ERCC8: variants seen among roughly 807,000 people sequenced by gnomAD.
The protein encoded by ERCC8 is DNA excision repair protein ERCC-8.
In ERCC8, 52 loss-of-function variants were observed where a neutral mutation model predicts 54.9. The ratio of observed to expected loss-of-function variants is 0.95; its 90% CI spans 0.76 to 1.19. The LOEUF (loss-of-function observed/expected upper bound fraction) is 1.19. ERCC8 is among the 50% of genes most tolerant of loss of function. The pLI, the probability that ERCC8 is intolerant of heterozygous loss-of-function variation, is 0.00. For synonymous variants in ERCC8, 146 were observed against 157.2 expected, an observed-to-expected ratio of 0.93 and a Z score of 0.53; for missense variants, 514 against 466.1, an observed-to-expected ratio of 1.10 and a Z score of -0.95.
rs1162844704 is a variant in ERCC8 at position 60,867,190 on chromosome 5, A to T, written c.*7425T>A. 6.6e-6 allele frequency among the ~76,000 whole-genome samples: 1 copy of T among 152,072 alleles called. No individual in the cohort carries two copies. The highest frequency in any genetic ancestry group is 1.9e-4 in the East Asian group (1 of 5,182). On this transcript the variant is annotated 3_prime_UTR_variant, in exon 12 of 12. Transcript: ENST00000676185. Reference sequence around the variant, plus strand: ...AAGGAAAAAAAATATCCAAATGTATATGTTTCCTTGGTAGTGACCTAAGAC... The same window carrying T: ...AAGGAAAAAAAATATCCAAATGTATTTGTTTCCTTGGTAGTGACCTAAGAC...
rs370924240 is a variant in ERCC8, at chr5:60,933,436, C to T, written c.78-4477G>A. 3.9e-4 allele frequency among the ~76,000 whole-genome samples: 59 copies of T among 152,072 alleles called. No individual in the cohort carries two copies. The East Asian group carries it at 9.9e-3, about 25-fold the overall frequency. ...GTTTCACCATGTTGGCCAGGCTGGT[C>T]TCAAACTCCTGACTGCAGGTGATTC... On this transcript the variant is annotated intron_variant, in intron 1 of 11. Coordinates refer to ENST00000676185, the MANE Select transcript of ERCC8 (RefSeq NM_000082.4).
chr5:60,913,628 C>G (rs560038641), intron 4 of ERCC8, among the ~76,000 whole-genome samples: 1 of 152,098 alleles, frequency 6.6e-6, no homozygotes, highest in Non-Finnish European at 1.5e-5. Flanking sequence ...TTCTTGGCTT[C>G]TGCTAACTTT....
intron 4 of ERCC8, among the ~76,000 whole-genome samples, chr5:60,908,564 C>CATATATAT (rs1554073813): frequency 3.5e-5 from 5 of 144,032 alleles, no homozygotes; most frequent in African/African-American, 1.3e-4. Flanking sequence ...CATATAAATA[C>CATATATAT]ATATATATAT....
chr5:60,889,595 G>A (rs1000690977), intron 10 of ERCC8, among the ~76,000 whole-genome samples: 3 of 152,122 alleles, frequency 2.0e-5, no homozygotes, highest in East Asian at 1.9e-4. Flanking sequence ...GCCACTGTGC[G>A]CAGCCATTGT....
chr5:60,881,722 G>C (rs1433475043), intron 11 of ERCC8, among the ~76,000 whole-genome samples: 1 of 152,190 alleles, frequency 6.6e-6, no homozygotes, highest in Non-Finnish European at 1.5e-5. Flanking sequence ...TGCAGTATTA[G>C]GGTGGGAGTG....
In ERCC8 at chr5:60,945,053, G is replaced by A; in HGVS notation, c.-45C>T. On this transcript the variant is annotated 5_prime_UTR_variant, in exon 1 of 12. Coordinates refer to ENST00000676185, the MANE Select transcript of ERCC8 (RefSeq NM_000082.4). ...TGGAGCACTGGACGTCGCCATGACA[G>A]AGCTCAGGGGCGGGACTGGAACAGC... 6.4e-7 allele frequency: 1 copy of A among 1,551,620 alleles called. No individual in the cohort carries two copies. Among genetic ancestry groups the A allele is most frequent in the Non-Finnish European group, 8.9e-7 (1 of 1,123,032 alleles).
intron 1 of ERCC8, among the ~76,000 whole-genome samples, chr5:60,935,194 T>C (rs1207615864): frequency 1.3e-5 from 2 of 152,206 alleles, no homozygotes; most frequent in East Asian, 3.8e-4. Flanking sequence ...TTCCATTTGT[T>C]TGTGTCATCC....
intron 2 of ERCC8, among the ~76,000 whole-genome samples, chr5:60,928,342 A>G (rs902827538): frequency 6.6e-6 from 1 of 152,190 alleles, no homozygotes; most frequent in African/African-American, 2.4e-5. Context: ...CATGTTGTGC[A>G]TATTATCTCA....
intron 9 of ERCC8, among the ~76,000 whole-genome samples, chr5:60,896,969 C>T (rs1748741418): frequency 6.6e-6 from 1 of 152,186 alleles, no homozygotes; most frequent in African/African-American, 2.4e-5. Context: ...AGAGAAAAGC[C>T]TGACCCCTTA....
At chr5:60,903,576 A>G in intron 6 of ERCC8, 72 bp downstream of exon 6, 2 of 1,599,474 alleles carry the variant, frequency 1.3e-6, no homozygotes, top group Non-Finnish European at 1.7e-6. Context: ...CAAAGAATAC[A>G]CTGTTAGTAA....
intron 4 of ERCC8, among the ~76,000 whole-genome samples, chr5:60,917,067 A>C (rs1313386772): frequency 1.3e-5 from 2 of 152,096 alleles, no homozygotes; most frequent in African/African-American, 4.8e-5. Flanking sequence ...ACTAAACTGC[A>C]TGATAGAACT....
chr5:60,885,155 G>C (rs112941214), intron 11 of ERCC8, among the ~76,000 whole-genome samples: 2,002 of 152,080 alleles, frequency 0.013, 20 homozygotes, highest in Non-Finnish European at 0.022. Context: ...GGAACTATAA[G>C]TGTAAAGCCA....
intron 11 of ERCC8, 130 bp from the exon 12 acceptor site, chr5:60,874,813 T>C (rs1342232618): frequency 1.3e-6 from 1 of 760,724 alleles, no homozygotes; most frequent in East Asian, 2.7e-5. Context: ...AATGTATAAC[T>C]GTTAATTTCA....
chr5:60,907,120 C>T (rs1435170769), intron 4 of ERCC8, among the ~76,000 whole-genome samples: 2 of 152,176 alleles, frequency 1.3e-5, no homozygotes, highest in Admixed American at 1.3e-4. Context: ...GTAATGACTG[C>T]CAGTCCCACT....
chr5:60,889,219 T>C (rs1748478596), intron 10 of ERCC8, among the ~76,000 whole-genome samples: 1 of 152,250 alleles, frequency 6.6e-6, no homozygotes, highest in African/African-American at 2.4e-5. Flanking sequence ...GTAAAATTAA[T>C]CTTTTTAGTT....
intron 9 of ERCC8, chr5:60,893,066 G>A: frequency 1.3e-6 from 1 of 777,966 alleles, no homozygotes; most frequent in Non-Finnish European, 2.4e-6. Context: ...CCTCCTTGGG[G>A]TCCAGGTCAA....
intron 11 of ERCC8, among the ~76,000 whole-genome samples, chr5:60,877,777 A>G (rs1234305427): frequency 1.3e-5 from 2 of 152,222 alleles, no homozygotes; most frequent in South Asian, 2.1e-4. Context: ...TTGGGCTGAG[A>G]CAATGGGGTT....
chr5:60,907,935 T>C (rs767317479), intron 4 of ERCC8, among the ~76,000 whole-genome samples: 7 of 152,222 alleles, frequency 4.6e-5, no homozygotes, highest in Non-Finnish European at 1.0e-4. Context: ...GTTCCTCATC[T>C]GATTTAATCT....
chr5:60,919,912 T>C (rs1749553744), intron 3 of ERCC8, among the ~76,000 whole-genome samples: 1 of 151,940 alleles, frequency 6.6e-6, no homozygotes, highest in Non-Finnish European at 1.5e-5. Context: ...GACAGCCAAA[T>C]GGGTGGATTG....
Sources: allele counts gnomAD v4.1 joint callset (sites outside exome capture counted in the v4.1 genomes callset), GRCh38; gene constraint gnomAD v4.1.1; transcripts MANE v1.5; gene names NCBI Gene and HGNC (gene_info 2026-07-23, HGNC 2026-07-21).